DOCK8: variants seen among roughly 807,000 people sequenced by gnomAD.
DOCK8 encodes dedicator of cytokinesis protein 8.
Under a neutral mutation model 245.6 loss-of-function variants are expected in DOCK8, and 141 were observed. The ratio of observed to expected loss-of-function variants is 0.57; its 90% CI spans 0.50 to 0.66. The LOEUF is 0.66. Ranked by LOEUF, DOCK8 falls within the 30% of genes least tolerant of loss-of-function variation. The pLI is 0.00. For missense variants in DOCK8, 2,965 were observed against 2,603.4 expected, an observed-to-expected ratio of 1.14 and a Z score of -3.02; for synonymous variants, 1,168 against 970.2, an observed-to-expected ratio of 1.20 and a Z score of -3.79.
chr9:385,678 G>T (rs2053922736), intron 22 of DOCK8, among the ~76,000 whole-genome samples: 1 of 152,112 alleles, frequency 6.6e-6, no homozygotes, highest in South Asian at 2.1e-4. Flanking sequence ...CTACCCCCCT[G>T]ACAACTGGTT....
chr9:405,230 A>G (rs990519739), intron 27 of DOCK8, 157 bp downstream of exon 27: 1 of 736,478 alleles, frequency 1.4e-6, no homozygotes, highest in Non-Finnish European at 2.2e-6. Flanking sequence ...AAGTTACACC[A>G]CTAGCTAAGA....
intron 23 of DOCK8, 117 bp downstream of exon 23, chr9:386,543 A>T: frequency 1.2e-6 from 1 of 821,086 alleles, no homozygotes; most frequent in Non-Finnish European, 2.0e-6. Flanking sequence ...CTGATGTGCT[A>T]ACACACACAC....
chr9:337,951 C>T (rs1406779392), intron 12 of DOCK8, among the ~76,000 whole-genome samples: 1 of 152,080 alleles, frequency 6.6e-6, no homozygotes, highest in African/African-American at 2.4e-5. Context: ...GTCAGGAGTT[C>T]AAGACCAGCC....
At chr9:224,048 C>T (rs137989596) in intron 1 of DOCK8, among the ~76,000 whole-genome samples, 267 of 152,160 alleles carry the variant, frequency 1.8e-3, no homozygotes, top group African/African-American at 6.2e-3. Context: ...TTTTAGGTAC[C>T]TTGTCAAATA....
chr9:282,148 A>G (rs1400970303), intron 2 of DOCK8, among the ~76,000 whole-genome samples: 5 of 152,144 alleles, frequency 3.3e-5, no homozygotes, highest in Non-Finnish European at 7.3e-5. Context: ...AAAGTTGCAC[A>G]TTTCACCACC....
At chr9:349,597 C>G (rs1255068163) in intron 14 of DOCK8, among the ~76,000 whole-genome samples, 1 of 152,196 alleles carries the variant, frequency 6.6e-6, no homozygotes, top group Non-Finnish European at 1.5e-5. Flanking sequence ...TTATACCACT[C>G]CACTCACTTG....
At chr9:438,610 C>T (rs964502780) in intron 39 of DOCK8, among the ~76,000 whole-genome samples, 16 of 152,200 alleles carry the variant, frequency 1.1e-4, no homozygotes, top group African/African-American at 3.9e-4. Context: ...TTGGGTTTCT[C>T]ATTTGGTTCA....
chr9:241,966 G>T (rs1179126198), intron 1 of DOCK8, among the ~76,000 whole-genome samples: 3 of 152,132 alleles, frequency 2.0e-5, no homozygotes, highest in Non-Finnish European at 4.4e-5. Flanking sequence ...GCAAAATTAG[G>T]TATCAACTGT....
chr9:290,656 C>A (rs1031585819), intron 4 of DOCK8, among the ~76,000 whole-genome samples: 1 of 152,172 alleles, frequency 6.6e-6, no homozygotes, highest in African/African-American at 2.4e-5. Flanking sequence ...AATTCTCAGC[C>A]TGCATGGGTG....
chr9:417,213 G>A (rs1212325110), intron 29 of DOCK8, among the ~76,000 whole-genome samples: 1 of 152,182 alleles, frequency 6.6e-6, no homozygotes. Flanking sequence ...GGATGGAGGG[G>A]CAGAGATTGC....
intron 6 of DOCK8, among the ~76,000 whole-genome samples, chr9:313,210 CTT>C (rs2050202260): frequency 6.6e-6 from 1 of 152,234 alleles, no homozygotes; most frequent in African/African-American, 2.4e-5. Context: ...GCACCTTCCT[CTT>C]TGATGATCTA....
intron 18 of DOCK8, among the ~76,000 whole-genome samples, chr9:374,595 G>A (rs1470244207): frequency 2.7e-5 from 4 of 149,194 alleles, no homozygotes; most frequent in Non-Finnish European, 5.9e-5. Flanking sequence ...CTTAGTAGCT[G>A]GGACTATAGG....
chr9:334,415 G>C (rs568425408), intron 11 of DOCK8, 31 bp downstream of exon 11: 2 of 1,608,052 alleles, frequency 1.2e-6, no homozygotes, highest in African/African-American at 2.7e-5. Flanking sequence ...GGGAAAGGGA[G>C]GGCTCCCCAG....
At chr9:263,122 G>A (rs1046346133) in intron 1 of DOCK8, among the ~76,000 whole-genome samples, 2 of 151,944 alleles carry the variant, frequency 1.3e-5, no homozygotes, top group African/African-American at 2.4e-5. Context: ...CTGGAGAATC[G>A]CTTAAACTGG....
chr9:452,247 G>C, intron 46 of DOCK8, 130 bp downstream of exon 46: 1 of 657,012 alleles, frequency 1.5e-6, no homozygotes, highest in Non-Finnish European at 2.7e-6. Flanking sequence ...CAGACCTGCT[G>C]AATTGGAATC....
chr9:428,587 A>C, intron 35 of DOCK8, 91 bp downstream of exon 35: 2 of 1,504,010 alleles, frequency 1.3e-6, no homozygotes, highest in Non-Finnish European at 1.8e-6. Context: ...ACCAAAAGTC[A>C]CAGAGCATAT....
chr9:400,262 C>CCTT (rs1564013034), intron 26 of DOCK8, among the ~76,000 whole-genome samples: 8 of 84,408 alleles, frequency 9.5e-5, no homozygotes, highest in African/African-American at 6.5e-4. Flanking sequence ...ATCACCACCA[C>CCTT]CTCCACCATC....
At chr9:352,045 G>A (rs1414001235) in intron 14 of DOCK8, among the ~76,000 whole-genome samples, 1 of 152,186 alleles carries the variant, frequency 6.6e-6, no homozygotes, top group East Asian at 1.9e-4. Context: ...GAAGGAAGTG[G>A]AGAATGCAGC....
At chr9:386,557 C>A (rs1563993913) in intron 23 of DOCK8, 131 bp downstream of exon 23, 6 of 760,128 alleles carry the variant, frequency 7.9e-6, no homozygotes, top group South Asian at 5.9e-5. Flanking sequence ...CACACACACC[C>A]CACACACACT....
Sources: gnomAD v4.1 joint callset for allele counts (sites outside exome capture counted in the v4.1 genomes callset) on GRCh38, gnomAD v4.1.1 for gene constraint, MANE v1.5 for transcripts, NCBI Gene and HGNC (gene_info 2026-07-23, HGNC 2026-07-21) for gene names.